Variants in SLC22A25 observed in about 807,000 individuals in gnomAD.
SLC22A25 encodes MGI:2442751, MGI:2385316, MGI:3042283, MGI:3645714, MGI:3605624, MGI:2442750.
Under a neutral mutation model 45.9 loss-of-function variants are expected in SLC22A25, and 44 were observed. The ratio of observed to expected loss-of-function variants is 0.96; its 90% CI spans 0.75 to 1.23. SLC22A25 has a LOEUF of 1.23. SLC22A25 is among the 50% of genes most tolerant of loss of function. The pLI is 0.00. For missense variants in SLC22A25, 800 were observed against 666.4 expected, an observed-to-expected ratio of 1.20 and a Z score of -2.21; for synonymous variants, 283 against 238.6, an observed-to-expected ratio of 1.19 and a Z score of -1.72.
intron 5 of SLC22A25, chr11:63,220,166 CA>C (rs11336277): frequency 0.45 from 171,430 of 381,470 alleles, 39,998 homozygotes; most frequent in East Asian, 0.57. Context: ...TTTGCAAAGA[CA>C]AAAAAAATCA....
chr11:63,216,900 G>A (rs2134814683), intron 7 of SLC22A25, among the ~76,000 whole-genome samples: 1 of 152,252 alleles, frequency 6.6e-6, no homozygotes, highest in South Asian at 2.1e-4. Flanking sequence ...TTTAGTATAA[G>A]CATGTCCCAT....
chr11:63,186,860 T>C (rs886232742), intron 7 of SLC22A25, among the ~76,000 whole-genome samples: 21 of 152,262 alleles, frequency 1.4e-4, no homozygotes, highest in East Asian at 5.8e-4. Context: ...GTTGTAGATA[T>C]GTGGCATTAT....
intron 3 of SLC22A25, among the ~76,000 whole-genome samples, chr11:63,232,818 A>G (rs2090094636): frequency 6.6e-6 from 1 of 152,098 alleles, no homozygotes; most frequent in East Asian, 1.9e-4. Context: ...ATCAATACCT[A>G]ATTTATTGAG....
At chr11:63,167,234 G>C (rs974699443) in intron 9 of SLC22A25, 1 of 152,652 alleles carries the variant, frequency 6.6e-6, no homozygotes, top group Non-Finnish European at 1.5e-5. Context: ...GCAAAACTAG[G>C]TGGCTGTTTG....
In SLC22A25 at chr11:63,163,023, C is replaced by A. The variant is rs1225952451; in HGVS notation, c.*801G>T. ...AAAGCTCAAAAATGAAAGACATGGA[C>A]TAAACATATAAGTCCTGCATTCTTT... On this transcript the variant is annotated 3_prime_UTR_variant, in exon 12 of 12. Coordinates refer to ENST00000306494, the MANE Select transcript of SLC22A25 (RefSeq NM_199352.6). Among the ~76,000 whole-genome samples the A allele has an allele frequency of 1.3e-5, 2 of 152,130 alleles. No individual in the cohort carries two copies. Among genetic ancestry groups the A allele is most frequent in the African/African-American group, 4.8e-5 (2 of 41,404 alleles).
At position 63,183,713 on chromosome 11, in the gene SLC22A25, T is replaced by G; in HGVS notation, c.935A>C (p.Glu312Ala). 1 of 1,613,176 alleles carries G rather than the reference T, an allele frequency of 6.2e-7. No homozygotes were observed. Among genetic ancestry groups the G allele is most frequent in the South Asian group, 1.1e-5 (1 of 91,040 alleles). Residue 312 changes from glutamate (E) to alanine (A), a missense_variant, in exon 8 of 12, where the codon GAA becomes GCA. By Grantham distance (107) the Glu-to-Ala change is moderately radical (BLOSUM62 -1). Transcript: ENST00000306494. ...AAHRNGMKNA[E>A]DILTMEVLKS... The stretch of plus-strand genomic sequence containing the variant: ...GCTTACCTCCATGGTTAGGATGTCT[T>G]CAGCATTCTTCATTCCATTCCTGTG...
intron 9 of SLC22A25, among the ~76,000 whole-genome samples, chr11:63,179,278 G>A (rs182925909): frequency 6.6e-6 from 1 of 151,952 alleles, no homozygotes; most frequent in East Asian, 1.9e-4. Context: ...ATTTCTTTAT[G>A]ATCAGTTTCT....
intron 9 of SLC22A25, among the ~76,000 whole-genome samples, chr11:63,172,950 A>G (rs1022044926): frequency 1.4e-4 from 21 of 152,066 alleles, no homozygotes; most frequent in African/African-American, 5.1e-4. Flanking sequence ...TCACAATAGC[A>G]TAGACTTGGA....
chr11:63,226,449 G>A (rs1489554884), intron 5 of SLC22A25, among the ~76,000 whole-genome samples: 1 of 152,186 alleles, frequency 6.6e-6, no homozygotes, highest in East Asian at 1.9e-4. Context: ...ATTTGGACCA[G>A]CAGGCAGAGA....
At chr11:63,239,434 C>A (rs911790219) in intron 1 of SLC22A25, among the ~76,000 whole-genome samples, 1 of 152,134 alleles carries the variant, frequency 6.6e-6, no homozygotes, top group Non-Finnish European at 1.5e-5. Flanking sequence ...AAGCATCAAC[C>A]TTTGATCTCC....
chr11:63,173,275 T>G (rs1448213713), intron 9 of SLC22A25, among the ~76,000 whole-genome samples: 4 of 151,926 alleles, frequency 2.6e-5, no homozygotes, highest in African/African-American at 9.7e-5. Flanking sequence ...CATACATGGT[T>G]TAAAACCTAG....
chr11:63,180,972 A>C (rs1272890857), intron 8 of SLC22A25, among the ~76,000 whole-genome samples, 197 bp from the exon 9 acceptor site: 1 of 152,162 alleles, frequency 6.6e-6, no homozygotes, highest in Non-Finnish European at 1.5e-5. Flanking sequence ...GCCTCAGAGA[A>C]ATTATTTATC....
Position 63,226,501 on chromosome 11 carries a change from C to A in SLC22A25, c.506+1960G>T, listed in dbSNP as rs116575538. Among the ~76,000 whole-genome samples the A allele has an allele frequency of 6.0e-3, 907 of 152,260 alleles. 11 individuals are homozygous for A. The highest frequency in any genetic ancestry group is 0.02 in the African/African-American group (828 of 41,534). The stretch of plus-strand genomic sequence containing the variant: ...TTATTTTCTCCCAAACAAATGGAGT[C>A]TTTCTCTCTGTTCTGAGCTGCTTGT... On this transcript the variant is annotated intron_variant, in intron 5 of 11. Coordinates refer to ENST00000306494, the MANE Select transcript of SLC22A25 (RefSeq NM_199352.6).
chr11:63,192,494 A>T (rs1026443223), intron 7 of SLC22A25, among the ~76,000 whole-genome samples: 1 of 152,160 alleles, frequency 6.6e-6, no homozygotes, highest in African/African-American at 2.4e-5. Flanking sequence ...ATCAATACTA[A>T]CCTTAAATGT....
chr11:63,198,685 T>C (rs1473094562), intron 7 of SLC22A25, among the ~76,000 whole-genome samples: 1 of 152,028 alleles, frequency 6.6e-6, no homozygotes, highest in African/African-American at 2.4e-5. Context: ...ATCTGCACAT[T>C]GTGCACATGT....
At chr11:63,198,565 T>C (rs1471246827) in intron 7 of SLC22A25, among the ~76,000 whole-genome samples, 1 of 151,902 alleles carries the variant, frequency 6.6e-6, no homozygotes, top group Middle Eastern at 3.2e-3. Flanking sequence ...CCAGGGCCTG[T>C]CATGAGGTTG....
At chr11:63,171,279 C>G (rs1274643249) in intron 9 of SLC22A25, among the ~76,000 whole-genome samples, 1 of 152,172 alleles carries the variant, frequency 6.6e-6, no homozygotes, top group African/African-American at 2.4e-5. Flanking sequence ...TCTCACCACT[C>G]CTATTCAACA....
At chr11:63,219,270 C>T (rs1007516695) in intron 5 of SLC22A25, among the ~76,000 whole-genome samples, 1 of 143,402 alleles carries the variant, frequency 7.0e-6, no homozygotes. Flanking sequence ...CTATAAAATT[C>T]AATATTTTAA....
chr11:63,219,384 C>T (rs927870019), intron 5 of SLC22A25, among the ~76,000 whole-genome samples: 6 of 152,098 alleles, frequency 3.9e-5, no homozygotes, highest in East Asian at 1.9e-4. Context: ...TTTTCTTTGA[C>T]GTTTACATAA....
Sources: allele counts gnomAD v4.1 joint callset (sites outside exome capture counted in the v4.1 genomes callset), GRCh38; gene constraint gnomAD v4.1.1; transcripts MANE v1.5; gene names NCBI Gene and HGNC (gene_info 2026-07-23, HGNC 2026-07-21).